The following TENM3 variants were observed in gnomAD, a reference collection of about 807,000 sequenced individuals.
TENM3 encodes the protein teneurin-3.
TENM3 carries 63 observed loss-of-function variants against 255.1 expected under a neutral mutation model. That is an observed-to-expected ratio of 0.25 (90% confidence interval 0.20 to 0.30). The LOEUF (loss-of-function observed/expected upper bound fraction) is 0.30. Ranked by LOEUF, TENM3 falls within the 10% of genes least tolerant of loss-of-function variation. The pLI is 1.00. For missense variants in TENM3, 2,929 were observed against 3,461.1 expected (o/e 0.85, Z 3.86); for synonymous variants, 1,306 against 1,322.3 (o/e 0.99, Z 0.27).
chr4:181,506,197 T>C, the TENM3 span, among the ~76,000 whole-genome samples: 1 of 152,062 alleles, frequency 6.6e-6, no homozygotes, highest in South Asian at 2.1e-4. Context: ...TAAAGAACAA[T>C]ATTTCTCCTG....
the TENM3 span, among the ~76,000 whole-genome samples, chr4:181,872,446 T>C: frequency 2.0e-5 from 3 of 152,114 alleles, no homozygotes; most frequent in Admixed American, 6.6e-5. Flanking sequence ...ACCCATTAGT[T>C]ATTTTTCCTG....
In TENM3 at chr4:182,799,841, C is replaced by G. The variant is rs755604858; in HGVS notation, c.7590C>G (p.Asn2530Lys). Residue 2530 changes from asparagine (N) to lysine (K), a missense_variant, in exon 28 of 28, where the codon AAC (asparagine) becomes AAG (lysine). Asn to Lys is a moderately conservative substitution (Grantham distance 94). Transcript: ENST00000511685. The surrounding 1 kb of genome is among the most constrained non-coding windows in gnomAD (Gnocchi z 4.2). Reference protein sequence around the residue: ...DCIKVAAVLNNAFYLENLHFT... With the variant: ...DCIKVAAVLNKAFYLENLHFT... Reference sequence around the variant, plus strand: ...TCAAGGTGGCGGCCGTGCTCAACAACGCCTTCTACCTGGAGAACCTGCACT... The same window carrying G: ...TCAAGGTGGCGGCCGTGCTCAACAAGGCCTTCTACCTGGAGAACCTGCACT... 4 of 1,611,258 alleles carry G rather than the reference C, an allele frequency of 2.5e-6. No homozygotes were observed. The Admixed American group carries it at 6.7e-5, about 27-fold the overall frequency.
At chr4:181,943,455 T>C in the TENM3 span, among the ~76,000 whole-genome samples, 2 of 152,156 alleles carry the variant, frequency 1.3e-5, no homozygotes, top group Admixed American at 6.5e-5. Flanking sequence ...CCAGCATTAG[T>C]TGGTTAAGAA....
chr4:182,312,345 G>T (rs1422152652), intron 1 of TENM3, among the ~76,000 whole-genome samples: 2 of 152,140 alleles, frequency 1.3e-5, no homozygotes, highest in African/African-American at 4.8e-5. Context: ...CTGGGCAGCA[G>T]AGCGAGACCC....
the TENM3 span, among the ~76,000 whole-genome samples, chr4:181,844,560 C>T: frequency 7.3e-5 from 11 of 151,502 alleles, no homozygotes; most frequent in Non-Finnish European, 1.2e-4. Flanking sequence ...CCCAGCTACT[C>T]GGGAGGCTGA....
At chr4:182,263,062 G>A (rs1283152211) in intron 1 of TENM3, among the ~76,000 whole-genome samples, 1 of 152,126 alleles carries the variant, frequency 6.6e-6, no homozygotes, top group African/African-American at 2.4e-5. Flanking sequence ...AGCCTCTCTT[G>A]GGGTCTGGAT....
At chr4:182,038,835 G>A in the TENM3 span, among the ~76,000 whole-genome samples, 2 of 152,266 alleles carry the variant, frequency 1.3e-5, no homozygotes, top group South Asian at 4.1e-4. Context: ...TCGGGTTCAA[G>A]TGATTCTCCT....
chr4:181,709,655 G>A, the TENM3 span, among the ~76,000 whole-genome samples: 3 of 152,366 alleles, frequency 2.0e-5, no homozygotes, highest in East Asian at 5.8e-4. Flanking sequence ...ATCACATACA[G>A]GACATTGGAG....
intron 1 of TENM3, among the ~76,000 whole-genome samples, chr4:182,301,135 C>T (rs1003481163): frequency 2.0e-5 from 3 of 152,104 alleles, no homozygotes; most frequent in African/African-American, 4.8e-5. Flanking sequence ...TTCCTTTCAC[C>T]GTTTCCTATA....
chr4:182,621,783 T>TAATAA (rs1750275074), intron 4 of TENM3, among the ~76,000 whole-genome samples: 3 of 68,104 alleles, frequency 4.4e-5, no homozygotes, highest in African/African-American at 1.8e-4. Flanking sequence ...TTATATATAA[T>TAATAA]TATATATATA....
At chr4:181,991,424 G>A in the TENM3 span, among the ~76,000 whole-genome samples, 23 of 152,072 alleles carry the variant, frequency 1.5e-4, no homozygotes, top group Admixed American at 1.2e-3. Flanking sequence ...AAAGGTTTCC[G>A]CCTAGTTGTT....
rs1219089378 is a variant in TENM3, at chr4:182,729,192, C to G, written c.2585+11C>G. ...TCCTTTCAATAAGAGGTTAATGCTT[C>G]TTTTCCATATGTAGATTTGTAATGA... On this transcript the variant is annotated intron_variant, in intron 14 of 27. Transcript: ENST00000511685. The G allele has an allele frequency of 6.3e-7, 1 of 1,594,790 alleles. No homozygotes were observed. Among genetic ancestry groups the G allele is most frequent in the African/African-American group, 1.3e-5 (1 of 74,560 alleles).
chr4:181,760,200 CA>C, the TENM3 span, among the ~76,000 whole-genome samples: 263 of 149,334 alleles, frequency 1.8e-3, 3 homozygotes, highest in African/African-American at 6.1e-3. Flanking sequence ...CCTCTTCCTC[CA>C]AAAAAAAAAT....
chr4:181,842,680 G>T, the TENM3 span, among the ~76,000 whole-genome samples: 1 of 152,184 alleles, frequency 6.6e-6, no homozygotes, highest in African/African-American at 2.4e-5. Context: ...GGTAGACCAA[G>T]TCCAGACATC....
chr4:181,736,068 C>T, the TENM3 span, among the ~76,000 whole-genome samples: 9 of 152,190 alleles, frequency 5.9e-5, no homozygotes, highest in East Asian at 7.8e-4. Context: ...GAGGCCAAAG[C>T]GGGCAGATGA....
intron 1 of TENM3, among the ~76,000 whole-genome samples, chr4:182,314,084 A>G (rs903127833): frequency 6.6e-6 from 1 of 152,160 alleles, no homozygotes; most frequent in Admixed American, 6.5e-5. Context: ...AGTCCGAGGC[A>G]GGCAGATCAC....
At chr4:182,479,774 A>G (rs1734018916) in intron 3 of TENM3, among the ~76,000 whole-genome samples, 1 of 152,022 alleles carries the variant, frequency 6.6e-6, no homozygotes, top group South Asian at 2.1e-4. Context: ...AATTAGAAGT[A>G]AATATTTTTG....
intron 12 of TENM3, among the ~76,000 whole-genome samples, chr4:182,691,577 T>TA (rs1166350048): frequency 6.6e-6 from 1 of 152,228 alleles, no homozygotes; most frequent in African/African-American, 2.4e-5. Flanking sequence ...ATATTTTTAT[T>TA]AGAGTATTCA....
chr4:182,195,977 C>A (rs1753812130), intron 1 of TENM3, among the ~76,000 whole-genome samples: 1 of 152,146 alleles, frequency 6.6e-6, no homozygotes. Flanking sequence ...ACCCTTCTGG[C>A]AACTTCTTTT....
Sources: allele counts gnomAD v4.1 joint callset (sites outside exome capture counted in the v4.1 genomes callset), GRCh38; gene constraint gnomAD v4.1.1; non-coding constraint Gnocchi (gnomAD v3.1); transcripts MANE v1.5; gene names NCBI Gene and HGNC (gene_info 2026-07-23, HGNC 2026-07-21).